The following KIAA1549L variants were observed in gnomAD, a reference collection of about 807,000 sequenced individuals.
KIAA1549L encodes UPF0606 protein KIAA1549L.
In KIAA1549L, 88 loss-of-function variants were observed where a neutral mutation model predicts 160.7. That is an observed-to-expected ratio of 0.55 (90% CI 0.46 to 0.65). KIAA1549L has a LOEUF of 0.65. Among genes scored for constraint, KIAA1549L ranks in the 30% least tolerant of loss-of-function variants. The pLI is 0.00. For missense variants in KIAA1549L, 2,258 were observed against 2,437.5 expected (o/e 0.93, Z 1.55); for synonymous variants, 950 against 976.7 (o/e 0.97, Z 0.51).
chr11:33,588,115 C>T (rs1392558452), intron 11 of KIAA1549L, among the ~76,000 whole-genome samples: 1 of 152,188 alleles, frequency 6.6e-6, no homozygotes, highest in Non-Finnish European at 1.5e-5. Context: ...CATGATAATA[C>T]CTACCTTCTT....
intron 1 of KIAA1549L, among the ~76,000 whole-genome samples, chr11:33,407,225 C>A (rs12422150): frequency 6.6e-6 from 1 of 150,422 alleles, no homozygotes; most frequent in Non-Finnish European, 1.5e-5. Context: ...GCTGGGACTA[C>A]AGGCGCCTGC....
At chr11:33,589,008 T>A (rs1849965019) in intron 11 of KIAA1549L, among the ~76,000 whole-genome samples, 1 of 152,210 alleles carries the variant, frequency 6.6e-6, no homozygotes, top group Non-Finnish European at 1.5e-5. Context: ...GACTGGATTG[T>A]TAAATCCGCT....
chr11:33,620,002 A>G (rs1354712831), intron 16 of KIAA1549L, among the ~76,000 whole-genome samples: 2 of 151,750 alleles, frequency 1.3e-5, no homozygotes, highest in Admixed American at 6.6e-5. Context: ...AGGATTCTCA[A>G]TTTATTTCAA....
At chr11:33,649,780 C>T (rs187511569) in intron 17 of KIAA1549L, among the ~76,000 whole-genome samples, 20 of 149,208 alleles carry the variant, frequency 1.3e-4, no homozygotes, top group Non-Finnish European at 2.7e-4. Context: ...GTAGTTCCAG[C>T]TACTAGGAGG....
chr11:33,544,626 T>G (rs1172533975), intron 2 of KIAA1549L, 141 bp from the exon 3 acceptor site: 7 of 1,086,406 alleles, frequency 6.4e-6, no homozygotes, highest in Non-Finnish European at 9.0e-6. Context: ...TAGAGTTGTT[T>G]TGCCTAAGTT....
intron 1 of KIAA1549L, among the ~76,000 whole-genome samples, chr11:33,430,009 CCCTTCCTTCCTTCCTTCCTT>C (rs762169127): frequency 2.1e-5 from 2 of 93,298 alleles, no homozygotes; most frequent in African/African-American, 4.6e-5. Context: ...GCTCTGCCCT[CCCTTCCTTCCTTCCTTCCTT>C]CCTTCCTTCC....
At chr11:33,621,050 G>A (rs1011752496) in intron 16 of KIAA1549L, among the ~76,000 whole-genome samples, 9 of 152,200 alleles carry the variant, frequency 5.9e-5, no homozygotes, top group African/African-American at 2.2e-4. Context: ...CTTTCTGCCA[G>A]GTTGGGGAAC....
chr11:33,562,689 T>C (rs1854906232), intron 8 of KIAA1549L, among the ~76,000 whole-genome samples: 1 of 151,340 alleles, frequency 6.6e-6, no homozygotes, highest in Non-Finnish European at 1.5e-5. Context: ...TTTTTTTTTT[T>C]TTTTTTGAGA....
chr11:33,596,767 A>T (rs1001352763), intron 12 of KIAA1549L, among the ~76,000 whole-genome samples: 1 of 152,082 alleles, frequency 6.6e-6, no homozygotes, highest in African/African-American at 2.4e-5. Flanking sequence ...TATTTTGTGA[A>T]TGTGAAATAG....
chr11:33,545,230 A>C lies in KIAA1549L; in HGVS notation c.3237A>C (p.Thr1079=), dbSNP rs1854205739. Residue 1079 remains threonine (T), a synonymous_variant, in exon 3 of 21, where the codon ACA becomes ACC. Coordinates refer to ENST00000658780, the MANE Select transcript of KIAA1549L (RefSeq NM_012194.3). The part of the protein sequence containing the change: ...LTVTAALTSI[T]ASVKATRLPP... ...TCACGGCCGCGCTGACATCCATTACAGCCTCAGTGAAGGCCACCCGGTTGC... is the reference window on the plus strand; with the variant it reads ...TCACGGCCGCGCTGACATCCATTACCGCCTCAGTGAAGGCCACCCGGTTGC... The C allele has an allele frequency of 6.2e-7, 1 of 1,613,896 alleles. No individual in the cohort carries two copies. The highest frequency in any genetic ancestry group is 1.3e-5 in the African/African-American group (1 of 74,934).
Position 33,598,886 on chromosome 11 carries a change from C to T in KIAA1549L, c.4818C>T (p.Arg1606=), listed in dbSNP as rs776490273. 6.2e-7 allele frequency: 1 copy of T among 1,613,910 alleles called. No individual in the cohort carries two copies. Among genetic ancestry groups the T allele is most frequent in the South Asian group, 1.1e-5 (1 of 91,082 alleles). Residue 1606 remains arginine (R), a synonymous_variant, in exon 13 of 21, where the codon CGC becomes CGT. Transcript: ENST00000658780. ...CAGGGAAGCCCAGCTCAGGGAGACG[C>T]TCACCCCAGAATGTAATGGCACAGC... is the stretch of plus-strand genomic sequence containing the variant. The part of the protein sequence containing the change: ...NESGKPSSGR[R]SPQNVMAQQK...
chr11:33,406,389 A>T (rs1433516487), intron 1 of KIAA1549L, among the ~76,000 whole-genome samples: 3 of 152,148 alleles, frequency 2.0e-5, no homozygotes, highest in African/African-American at 7.2e-5. Flanking sequence ...CACGGGCCAT[A>T]TGGCAACACC....
chr11:33,388,337 A>C (rs1228790297), intron 1 of KIAA1549L, among the ~76,000 whole-genome samples: 5 of 151,956 alleles, frequency 3.3e-5, no homozygotes, highest in Non-Finnish European at 5.9e-5. Context: ...TATCAGAAGA[A>C]TAGCGTAGGG....
intron 16 of KIAA1549L, among the ~76,000 whole-genome samples, chr11:33,625,610 GT>G (rs1317744092): frequency 1.3e-5 from 2 of 151,752 alleles, no homozygotes; most frequent in Admixed American, 1.3e-4. Context: ...GGGGTTGTTT[GT>G]TTTTTTCTTG....
intron 1 of KIAA1549L, among the ~76,000 whole-genome samples, chr11:33,435,526 A>G (rs1043519372): frequency 3.3e-5 from 5 of 151,620 alleles, no homozygotes; most frequent in Non-Finnish European, 5.9e-5. Context: ...AGTAACCTAA[A>G]TTTTTACAAT....
intron 9 of KIAA1549L, among the ~76,000 whole-genome samples, chr11:33,573,724 CA>C: frequency 6.6e-6 from 1 of 152,204 alleles, no homozygotes; most frequent in East Asian, 1.9e-4. Flanking sequence ...ATTATAACTG[CA>C]AAAAGTTGAT....
intron 1 of KIAA1549L, among the ~76,000 whole-genome samples, chr11:33,435,828 ATATG>A (rs1194725871): frequency 1.7e-4 from 10 of 58,748 alleles, no homozygotes; most frequent in African/African-American, 2.7e-4. Flanking sequence ...GTATATATAT[ATATG>A]TATATGTATA....
chr11:33,468,653 T>C (rs1852111331), intron 1 of KIAA1549L, among the ~76,000 whole-genome samples: 1 of 152,206 alleles, frequency 6.6e-6, no homozygotes, highest in African/African-American at 2.4e-5. Flanking sequence ...TGTTCCTTAT[T>C]TATAAAAGAG....
At chr11:33,579,650 G>A (rs984642212) in intron 10 of KIAA1549L, among the ~76,000 whole-genome samples, 6 of 152,208 alleles carry the variant, frequency 3.9e-5, no homozygotes, top group Admixed American at 6.5e-5. Context: ...TAAGAAAGGT[G>A]TTGGGAATTC....
Sources: allele counts gnomAD v4.1 joint callset (sites outside exome capture counted in the v4.1 genomes callset), GRCh38; gene constraint gnomAD v4.1.1; transcripts MANE v1.5; gene names NCBI Gene and HGNC (gene_info 2026-07-23, HGNC 2026-07-21).